UBE3A: variants seen among roughly 807,000 people sequenced by gnomAD.
The protein encoded by UBE3A is ubiquitin protein ligase E3A, also known as ubiquitin-protein ligase E3A.
In UBE3A, 6 loss-of-function variants were observed where a neutral mutation model predicts 83.4. The observed-to-expected ratio is 0.07, with a 90% confidence interval of 0.04 to 0.14. The LOEUF (loss-of-function observed/expected upper bound fraction) is 0.14, where lower values mean the gene tolerates loss of function less well. Among genes scored for constraint, UBE3A ranks in the 10% least tolerant of loss-of-function variants. The pLI is 1.00. For missense variants in UBE3A, 456 were observed against 1,036.1 expected, an observed-to-expected ratio of 0.44 and a Z score of 7.69; for synonymous variants, 337 against 355.4, an observed-to-expected ratio of 0.95 and a Z score of 0.58.
chr15:25,417,632 A>T (rs1221524707), intron 1 of UBE3A, among the ~76,000 whole-genome samples: 1 of 152,068 alleles, frequency 6.6e-6, no homozygotes, highest in Non-Finnish European at 1.5e-5. Context: ...TTCTTGAAAT[A>T]TAAAGCGAAA....
intron 3 of UBE3A, chr15:25,407,410 A>G (rs1034813472): frequency 2.5e-6 from 1 of 401,642 alleles, no homozygotes; most frequent in African/African-American, 2.2e-5. Context: ...ACACAAGAAG[A>G]AAAACAAATC....
chr15:25,412,174 A>C (rs1192624725), intron 1 of UBE3A, among the ~76,000 whole-genome samples: 1 of 152,232 alleles, frequency 6.6e-6, no homozygotes, highest in East Asian at 1.9e-4. Context: ...GAGTGCTTTC[A>C]GCAGGCAAAG....
In UBE3A at chr15:25,334,818, T is replaced by A. The variant is rs1292909551; in HGVS notation, c.*4319A>T. The A allele has an allele frequency of 1.3e-5, 2 of 152,174 alleles. No homozygotes were observed. Among genetic ancestry groups the A allele is most frequent in the Non-Finnish European group, 2.9e-5 (2 of 68,030 alleles). The allele number at this position is 152,174 out of a possible 1,614,324, so 9.4% of individuals were successfully genotyped here. ...GGGAAATAATAGTCTTTTCAACAAC[T>A]GGTGCTTGGGCAGATGGATATACAG... On this transcript the variant is annotated 3_prime_UTR_variant, in exon 13 of 13. Coordinates refer to ENST00000648336, the MANE Select transcript of UBE3A (RefSeq NM_130839.5).
intron 1 of UBE3A, among the ~76,000 whole-genome samples, chr15:25,432,394 A>G (rs1051181447): frequency 2.6e-5 from 4 of 152,232 alleles, no homozygotes; most frequent in African/African-American, 9.6e-5. Context: ...CTTGAAATGG[A>G]AAAGCCATCC....
At chr15:25,393,913 G>A (rs1025964941) in intron 4 of UBE3A, 12 of 152,174 alleles carry the variant, frequency 7.9e-5, no homozygotes, top group African/African-American at 2.9e-4. Context: ...ATATCCAAAT[G>A]CATTTTTTCA....
chr15:25,436,695 A>T (rs1895193643), intron 1 of UBE3A, among the ~76,000 whole-genome samples: 1 of 152,182 alleles, frequency 6.6e-6, no homozygotes, highest in African/African-American at 2.4e-5. Context: ...GTGGGATGAG[A>T]ACACGTTTTC....
intron 12 of UBE3A, chr15:25,339,512 A>C: frequency 2.9e-6 from 1 of 341,158 alleles, no homozygotes; most frequent in South Asian, 3.7e-5. Context: ...CATTTTAGGT[A>C]CTGAATTCTT....
chr15:25,371,259 T>C lies in UBE3A; in HGVS notation c.915A>G (p.Leu305=), dbSNP rs587782923. The change falls in exon 6 of 13, where the codon TTA becomes TTG. Residue 305 remains leucine, a synonymous_variant. Transcript: ENST00000648336. This position sits in a 1 kb window ranked among gnomAD's most constrained non-coding sequence, Gnocchi z 5.3. ...SPEYLEMALP[L]FCKAMSKLPL... is the part of the protein sequence containing the mutation. ...GTAGCTTGCTCATCGCTTTGCAAAA[T>C]AATGGCAAAGCCATTTCCAGATATT... The C allele has an allele frequency of 1.2e-6, 2 of 1,614,164 alleles. No homozygotes were observed. The highest frequency in any genetic ancestry group is 1.7e-6 in the Non-Finnish European group (2 of 1,180,020).
intron 1 of UBE3A, among the ~76,000 whole-genome samples, chr15:25,416,659 A>AC (rs1483682028): frequency 6.8e-6 from 1 of 147,790 alleles, no homozygotes; most frequent in African/African-American, 2.6e-5. Flanking sequence ...AAAAAAAAAA[A>AC]CCTCATATGG....
At chr15:25,354,087 C>CA in intron 11 of UBE3A, 1 of 528,684 alleles carries the variant, frequency 1.9e-6, no homozygotes. Flanking sequence ...TAAGCATACT[C>CA]TAACCAGTGA....
intron 6 of UBE3A, among the ~76,000 whole-genome samples, chr15:25,365,370 C>A (rs2078914996): frequency 6.6e-6 from 1 of 152,010 alleles, no homozygotes; most frequent in African/African-American, 2.4e-5. Context: ...AAAAAAATTC[C>A]TTAATACCAT....
intron 1 of UBE3A, chr15:25,418,698 A>G (rs540528663): frequency 8.5e-5 from 13 of 152,270 alleles, no homozygotes; most frequent in African/African-American, 2.9e-4. Context: ...ATGAAATGGT[A>G]TATGTGGTCA....
intron 6 of UBE3A, among the ~76,000 whole-genome samples, chr15:25,364,637 TTTTG>T (rs1192236987): frequency 2.6e-4 from 37 of 141,664 alleles, no homozygotes; most frequent in African/African-American, 7.3e-4. Context: ...TTAGGGTTTT[TTTTG>T]TTTGTTTTTT....
chr15:25,417,391 T>C (rs1006113558), intron 1 of UBE3A, among the ~76,000 whole-genome samples: 3 of 151,894 alleles, frequency 2.0e-5, no homozygotes, highest in African/African-American at 7.3e-5. Flanking sequence ...AACAACAAAA[T>C]ATTACAATGT....
chr15:25,355,654 A>G (rs2077116376), intron 9 of UBE3A, among the ~76,000 whole-genome samples: 1 of 152,160 alleles, frequency 6.6e-6, no homozygotes, highest in Non-Finnish European at 1.5e-5. Flanking sequence ...ACACTTAGCT[A>G]TTAACTATCT....
intron 3 of UBE3A, chr15:25,407,734 T>C (rs1045128092): frequency 1.3e-5 from 2 of 152,222 alleles, no homozygotes; most frequent in African/African-American, 4.8e-5. Flanking sequence ...CTGGGTCTAT[T>C]AAACATAGCA....
intron 11 of UBE3A, among the ~76,000 whole-genome samples, chr15:25,350,862 T>C (rs1292830764): frequency 2.6e-5 from 4 of 152,200 alleles, no homozygotes; most frequent in Non-Finnish European, 5.9e-5. Flanking sequence ...CAGACAAAAG[T>C]AAGCTACAGT....
At chr15:25,360,248 G>A in intron 7 of UBE3A, 135 bp downstream of exon 7, 1 of 1,112,150 alleles carries the variant, frequency 9.0e-7, no homozygotes, top group Non-Finnish European at 1.3e-6. Flanking sequence ...CAGTCATGAT[G>A]TGTGATTCTG....
intron 1 of UBE3A, among the ~76,000 whole-genome samples, chr15:25,423,181 T>C (rs1432066631): frequency 6.6e-6 from 1 of 151,972 alleles, no homozygotes; most frequent in African/African-American, 2.4e-5. Flanking sequence ...AAATGATATA[T>C]AAAGAATGCT....
Sources: gnomAD v4.1 joint callset for allele counts (sites outside exome capture counted in the v4.1 genomes callset) on GRCh38, gnomAD v4.1.1 for gene constraint, Gnocchi (gnomAD v3.1) non-coding constraint, MANE v1.5 for transcripts, NCBI Gene and HGNC (gene_info 2026-07-23, HGNC 2026-07-21) for gene names.